The following GABRG3 variants were observed in gnomAD, a reference collection of about 807,000 sequenced individuals.
The protein encoded by GABRG3 is gamma-aminobutyric acid receptor subunit gamma-3.
In GABRG3, 25 loss-of-function variants were observed where a neutral mutation model predicts 48.8. The observed-to-expected ratio is 0.51, with a 90% CI of 0.37 to 0.72. GABRG3 has a LOEUF of 0.72. GABRG3 is among the 30% of genes least tolerant of loss of function. GABRG3 has a pLI of 0.00. For synonymous variants in GABRG3, 227 were observed against 217.6 expected, an observed-to-expected ratio of 1.04 and a Z score of -0.38; for missense variants, 394 against 577.9, an observed-to-expected ratio of 0.68 and a Z score of 3.26.
intron 5 of GABRG3, among the ~76,000 whole-genome samples, chr15:27,331,376 C>G (rs144511260): frequency 4.7e-4 from 72 of 152,154 alleles, no homozygotes; most frequent in African/African-American, 1.3e-3. Context: ...AAACAAACCA[C>G]GGCATATTCA....
intron 6 of GABRG3, among the ~76,000 whole-genome samples, chr15:27,489,198 G>T (rs1890289904): frequency 6.6e-6 from 1 of 152,156 alleles, no homozygotes; most frequent in African/African-American, 2.4e-5. Context: ...TCCCTGCAAA[G>T]GACATGAACT....
chr15:27,446,923 C>T (rs1002841164), intron 5 of GABRG3, among the ~76,000 whole-genome samples: 8 of 152,066 alleles, frequency 5.3e-5, no homozygotes, highest in East Asian at 1.9e-4. Context: ...TACTCATGCC[C>T]GCACCGACTC....
chr15:27,372,056 T>G (rs914210489), intron 5 of GABRG3, among the ~76,000 whole-genome samples: 6 of 152,168 alleles, frequency 3.9e-5, no homozygotes, highest in African/African-American at 1.2e-4. Flanking sequence ...GCTTAGAACA[T>G]AATTAGTAAT....
intron 5 of GABRG3, among the ~76,000 whole-genome samples, chr15:27,446,300 G>A (rs1482364046): frequency 6.6e-6 from 1 of 151,958 alleles, no homozygotes; most frequent in African/African-American, 2.4e-5. Flanking sequence ...CATTTATTTA[G>A]GTCTTTAATT....
At chr15:27,164,497 A>G (rs541441105) in intron 3 of GABRG3, among the ~76,000 whole-genome samples, 87 of 152,302 alleles carry the variant, frequency 5.7e-4, no homozygotes, top group African/African-American at 2.0e-3. Context: ...CAGCTGAAAG[A>G]TCTTTCATAG....
At chr15:27,233,626 A>G (rs1184840232) in intron 3 of GABRG3, among the ~76,000 whole-genome samples, 2 of 152,054 alleles carry the variant, frequency 1.3e-5, no homozygotes, top group African/African-American at 2.4e-5. Context: ...CAGAGGCCCC[A>G]CCTCATAAAG....
rs200563157 is a variant in GABRG3 at position 27,058,626 on chromosome 15, CT to C, written c.270+31818del. 7.3e-3 allele frequency among the ~76,000 whole-genome samples: 1,039 copies of C among 142,996 alleles called. 10 individuals are homozygous for C. The highest frequency in any genetic ancestry group is 0.023 in the African/African-American group (893 of 39,126). 93.8% of individuals were successfully genotyped at this position (142,996 alleles called of 152,430 possible). On this transcript the variant is annotated intron_variant, in intron 3 of 9. Transcript: ENST00000615808. Reference sequence around the variant, plus strand: ...TGATTTGTTGCAACCTGTGAAAGTACTTTTTTTTTTTTTCAAAGTCAAATTG... The same window carrying C: ...TGATTTGTTGCAACCTGTGAAAGTACTTTTTTTTTTTTCAAAGTCAAATTG...
At chr15:27,215,937 C>A (rs972058930) in intron 3 of GABRG3, among the ~76,000 whole-genome samples, 2 of 152,206 alleles carry the variant, frequency 1.3e-5, no homozygotes, top group African/African-American at 4.8e-5. Context: ...ATACTCGTGT[C>A]TTTTTCTGAG....
At chr15:27,127,497 G>A (rs1897841800) in intron 3 of GABRG3, among the ~76,000 whole-genome samples, 1 of 152,016 alleles carries the variant, frequency 6.6e-6, no homozygotes, top group Admixed American at 6.5e-5. Context: ...GGGGAAAGTG[G>A]AAAATCTCTG....
chr15:27,154,698 T>C (rs9673102), intron 3 of GABRG3, among the ~76,000 whole-genome samples: 26,864 of 152,150 alleles, frequency 0.18, 2,628 homozygotes, highest in Admixed American at 0.25. Flanking sequence ...GGTCATTGTA[T>C]ATAATTATTT....
chr15:27,530,135 G>A (rs1891386872), intron 9 of GABRG3, among the ~76,000 whole-genome samples: 1 of 152,182 alleles, frequency 6.6e-6, no homozygotes, highest in East Asian at 1.9e-4. Flanking sequence ...GAGTAATGAG[G>A]GACAGGGGCC....
intron 3 of GABRG3, among the ~76,000 whole-genome samples, chr15:27,047,728 A>T (rs1896388176): frequency 6.6e-6 from 1 of 152,198 alleles, no homozygotes; most frequent in African/African-American, 2.4e-5. Flanking sequence ...TGAAAATGAT[A>T]TTGTCTTTGC....
chr15:27,538,396 C>T lies in GABRG3; in HGVS notation c.*5515C>T, dbSNP rs1891596739. 6.6e-6 allele frequency: 1 copy of T among 152,224 alleles called. No homozygotes were observed. 9.4% of individuals were successfully genotyped at this position (152,224 alleles called of 1,614,324 possible). A position where few individuals can be genotyped will look rare whatever the true frequency, so the allele number is the denominator to read the frequency against. ...CTAGAAAATAATTAGGCAGACAAAA[C>T]ATATGTTCTCACACACACACCACTT... is the stretch of plus-strand genomic sequence containing the variant. On this transcript the variant is annotated 3_prime_UTR_variant, in exon 10 of 10. Coordinates refer to ENST00000615808, the MANE Select transcript of GABRG3 (RefSeq NM_033223.5).
rs534081938 is a variant in GABRG3, at chr15:27,192,416, G to A, written c.271-134393G>A. On this transcript the variant is annotated intron_variant, in intron 3 of 9. Transcript: ENST00000615808. ...TAGTCCCGTATTTCTTGGAGGCTTT[G>A]TTCGTTTCTTTTTATTCTTTTTTCT... 3.1e-3 allele frequency among the ~76,000 whole-genome samples: 478 copies of A among 152,292 alleles called. 2 individuals are homozygous for A. Among genetic ancestry groups the A allele is most frequent in the African/African-American group, 0.011 (451 of 41,566 alleles).
intron 5 of GABRG3, among the ~76,000 whole-genome samples, chr15:27,473,706 A>G (rs1889854484): frequency 6.6e-6 from 1 of 152,226 alleles, no homozygotes; most frequent in Non-Finnish European, 1.5e-5. Context: ...TCAGGTTTCC[A>G]AAAGAATCTA....
chr15:27,381,228 G>C (rs1473065315), intron 5 of GABRG3, among the ~76,000 whole-genome samples: 1 of 152,184 alleles, frequency 6.6e-6, no homozygotes, highest in Non-Finnish European at 1.5e-5. Context: ...GTTTGGCTCT[G>C]ATAAAGCCCC....
At chr15:27,155,868 C>T (rs1243988141) in intron 3 of GABRG3, among the ~76,000 whole-genome samples, 1 of 152,080 alleles carries the variant, frequency 6.6e-6, no homozygotes, top group Non-Finnish European at 1.5e-5. Context: ...CTGAAACCAC[C>T]TTAGTTGAGG....
intron 3 of GABRG3, among the ~76,000 whole-genome samples, chr15:27,036,473 T>A (rs953960596): frequency 2.0e-5 from 3 of 152,128 alleles, no homozygotes; most frequent in Admixed American, 2.0e-4. Context: ...GGGCGGATCA[T>A]GAGGTCAGGA....
chr15:27,438,835 T>A (rs1888696695), intron 5 of GABRG3, among the ~76,000 whole-genome samples: 1 of 152,204 alleles, frequency 6.6e-6, no homozygotes, highest in Non-Finnish European at 1.5e-5. Flanking sequence ...CCAGGGTGCT[T>A]GGCCCAGGGC....
Sources: gnomAD v4.1 joint callset for allele counts (sites outside exome capture counted in the v4.1 genomes callset) on GRCh38, gnomAD v4.1.1 for gene constraint, MANE v1.5 for transcripts, NCBI Gene and HGNC (gene_info 2026-07-23, HGNC 2026-07-21) for gene names.